SYN3: variants seen among roughly 807,000 people sequenced by gnomAD.
The protein encoded by SYN3 is synapsin III.
In SYN3, 35 loss-of-function variants were observed where a neutral mutation model predicts 65.8. That is an observed-to-expected ratio of 0.53 (90% CI 0.41 to 0.70). The LOEUF is 0.70. Ranked by LOEUF, SYN3 falls within the 30% of genes least tolerant of loss-of-function variation. The pLI is 0.00. For missense variants in SYN3, 680 were observed against 749.0 expected (o/e 0.91, Z 1.08); for synonymous variants, 270 against 292.9 (o/e 0.92, Z 0.80).
chr22:32,825,209 T>A (rs1019692126), intron 6 of SYN3, among the ~76,000 whole-genome samples: 2 of 152,142 alleles, frequency 1.3e-5, no homozygotes, highest in African/African-American at 4.8e-5. Flanking sequence ...GCTTCCTTAG[T>A]TATACTGAAT....
At chr22:33,012,822 T>C (rs77802777) in intron 1 of SYN3, among the ~76,000 whole-genome samples, 1,772 of 152,366 alleles carry the variant, frequency 0.012, 44 homozygotes, top group African/African-American at 0.04. Context: ...AGCTGCTCCA[T>C]GCCAGGTGGC....
chr22:32,773,459 TC>T (rs2045828124), intron 6 of SYN3, among the ~76,000 whole-genome samples: 1 of 150,466 alleles, frequency 6.6e-6, no homozygotes, highest in Non-Finnish European at 1.5e-5. Context: ...CAGTAGTGAT[TC>T]AGCTTCAGTA....
chr22:32,879,925 C>T (rs768069672), intron 4 of SYN3, among the ~76,000 whole-genome samples: 1 of 152,196 alleles, frequency 6.6e-6, no homozygotes, highest in Non-Finnish European at 1.5e-5. Context: ...CTAGTCCCAG[C>T]TCTGCTCTTG....
intron 1 of SYN3, among the ~76,000 whole-genome samples, chr22:33,015,926 C>T (rs926660034): frequency 6.6e-6 from 1 of 151,652 alleles, no homozygotes. Flanking sequence ...ACTGCAACCA[C>T]CACCTCCTAC....
chr22:32,753,164 C>G (rs2045185885), intron 6 of SYN3, among the ~76,000 whole-genome samples: 1 of 152,102 alleles, frequency 6.6e-6, no homozygotes, highest in South Asian at 2.1e-4. Flanking sequence ...GCTCTCCTTT[C>G]CCCCCAGAAA....
intron 1 of SYN3, among the ~76,000 whole-genome samples, chr22:33,052,858 A>C (rs2054193617): frequency 6.6e-6 from 1 of 152,212 alleles, no homozygotes; most frequent in African/African-American, 2.4e-5. Context: ...TGCTTTTATC[A>C]GAATCATCCA....
chr22:32,761,276 CAA>C (rs2045472586), intron 6 of SYN3, among the ~76,000 whole-genome samples: 1 of 152,178 alleles, frequency 6.6e-6, no homozygotes, highest in Non-Finnish European at 1.5e-5. Context: ...AGTTGATTAC[CAA>C]AAGCTCTCTT....
chr22:33,043,314 G>A (rs940504896), intron 1 of SYN3, among the ~76,000 whole-genome samples: 5 of 152,192 alleles, frequency 3.3e-5, no homozygotes, highest in Admixed American at 2.6e-4. Context: ...TTGGGAGGCC[G>A]AGGTGGGCGG....
chr22:32,783,781 T>C (rs565806846), intron 6 of SYN3, among the ~76,000 whole-genome samples: 8 of 152,292 alleles, frequency 5.3e-5, no homozygotes, highest in African/African-American at 1.7e-4. Context: ...CTAGTGTCTT[T>C]TGGGGGAAAC....
intron 6 of SYN3, among the ~76,000 whole-genome samples, chr22:32,718,391 CTGCTTCTTTG>C (rs2061068111): frequency 6.6e-6 from 1 of 151,934 alleles, no homozygotes; most frequent in Non-Finnish European, 1.5e-5. Context: ...AGACTCCAAA[CTGCTTCTTTG>C]AGCAAGGGGT....
At chr22:32,852,856 A>G (rs1244565358) in intron 6 of SYN3, among the ~76,000 whole-genome samples, 1 of 152,156 alleles carries the variant, frequency 6.6e-6, no homozygotes, top group Admixed American at 6.5e-5. Flanking sequence ...TGGCTGCTCT[A>G]AGCTGTGGGG....
chr22:32,521,264 G>C (rs1443151158), intron 12 of SYN3, among the ~76,000 whole-genome samples: 1 of 152,160 alleles, frequency 6.6e-6, no homozygotes, highest in African/African-American at 2.4e-5. Context: ...CACTATGGAA[G>C]TGAGGAGTAG....
chr22:33,035,979 C>T (rs1013329463), intron 1 of SYN3, among the ~76,000 whole-genome samples: 1 of 152,164 alleles, frequency 6.6e-6, no homozygotes, highest in Non-Finnish European at 1.5e-5. Context: ...ATTCTCCAAC[C>T]ACCCAGAGAC....
intron 2 of SYN3, among the ~76,000 whole-genome samples, chr22:32,995,602 C>A (rs951714994): frequency 6.6e-6 from 1 of 152,092 alleles, no homozygotes; most frequent in Non-Finnish European, 1.5e-5. Context: ...CCAATGCAGT[C>A]CTTACAAGGA....
intron 1 of SYN3, among the ~76,000 whole-genome samples, chr22:33,044,595 G>T (rs2145947564): frequency 6.6e-6 from 1 of 151,844 alleles, no homozygotes; most frequent in East Asian, 2.0e-4. Context: ...CTTCGCTTCT[G>T]CTTGTGCCTC....
At chr22:32,651,825 A>C (rs2060075818) in intron 6 of SYN3, among the ~76,000 whole-genome samples, 1 of 152,020 alleles carries the variant, frequency 6.6e-6, no homozygotes, top group African/African-American at 2.4e-5. Flanking sequence ...CCTCCTCCTC[A>C]CTTGGGCTGA....
At chr22:32,857,199 G>A (rs147522917) in intron 6 of SYN3, 110 of 1,394,002 alleles carry the variant, frequency 7.9e-5, no homozygotes, top group African/African-American at 3.7e-4. Flanking sequence ...GGGATCATAC[G>A]GGTGTCCAAA....
intron 7 of SYN3, among the ~76,000 whole-genome samples, chr22:32,559,784 A>G (rs2097344): frequency 6.6e-6 from 1 of 151,106 alleles, no homozygotes; most frequent in East Asian, 2.0e-4. Context: ...GTGCCCAGAT[A>G]GCGCCACTGC....
intron 1 of SYN3, among the ~76,000 whole-genome samples, chr22:33,034,458 G>A (rs1388080710): frequency 6.6e-6 from 1 of 151,872 alleles, no homozygotes; most frequent in Non-Finnish European, 1.5e-5. Context: ...ATGTTGGCCA[G>A]GTTGGTCTTA....
Sources: gnomAD v4.1 joint callset for allele counts (sites outside exome capture counted in the v4.1 genomes callset) on GRCh38, gnomAD v4.1.1 for gene constraint, MANE v1.5 for transcripts, NCBI Gene and HGNC (gene_info 2026-07-23, HGNC 2026-07-21) for gene names.